Variants in AEBP2 observed in about 807,000 individuals in gnomAD.
The protein encoded by AEBP2 is AE binding protein 2, also known as zinc finger protein AEBP2.
In AEBP2, 10 loss-of-function variants were observed where a neutral mutation model predicts 50.8. That is an observed-to-expected ratio of 0.20 (90% CI 0.12 to 0.33). The LOEUF is 0.33. Among genes scored for constraint, AEBP2 ranks in the 10% least tolerant of loss-of-function variants. AEBP2 has a pLI of 1.00. For missense variants in AEBP2, 570 were observed against 688.0 expected (o/e 0.83, Z 1.92); for synonymous variants, 296 against 261.3 (o/e 1.13, Z -1.28).
intron 2 of AEBP2, among the ~76,000 whole-genome samples, chr12:19,465,111 T>G (rs1176145915): frequency 6.6e-6 from 1 of 152,026 alleles, no homozygotes; most frequent in Non-Finnish European, 1.5e-5. Flanking sequence ...GTGATGCTGT[T>G]TGGCCGGGCG....
intron 3 of AEBP2, among the ~76,000 whole-genome samples, chr12:19,485,648 G>A (rs951089151): frequency 6.7e-6 from 1 of 148,494 alleles, no homozygotes; most frequent in African/African-American, 2.5e-5. Context: ...GTTTGGGGCT[G>A]CAGTGAGCTG....
intron 3 of AEBP2, among the ~76,000 whole-genome samples, chr12:19,485,811 TC>T (rs1433243672): frequency 6.6e-6 from 1 of 151,934 alleles, no homozygotes; most frequent in African/African-American, 2.4e-5. Flanking sequence ...TGTAAGTTCT[TC>T]AATAGTGACC....
rs1048408409 is a variant in AEBP2 at position 19,519,474 on chromosome 12, C to T, written c.*1357C>T. 6 of 152,646 alleles carry T rather than the reference C, an allele frequency of 3.9e-5. No individual in the cohort carries two copies. The highest frequency in any genetic ancestry group is 4.1e-4 in the South Asian group (2 of 4,824). The allele number at this position is 152,646 out of a possible 1,614,324, so 9.5% of individuals were successfully genotyped here. A position where few individuals can be genotyped will look rare whatever the true frequency, so the allele number is the denominator to read the frequency against. On this transcript the variant is annotated 3_prime_UTR_variant, in exon 8 of 8. Transcript: ENST00000266508. Reference sequence around the variant, plus strand: ...TTCCAGAAAGTCTTTGAGGGAGGACCTATACCCATAATAGAATTATGGCAC... The same window carrying T: ...TTCCAGAAAGTCTTTGAGGGAGGACTTATACCCATAATAGAATTATGGCAC...
At chr12:19,413,787 A>G (rs1212462718) in intron 1 of AEBP2, among the ~76,000 whole-genome samples, 40 of 152,228 alleles carry the variant, frequency 2.6e-4, no homozygotes, top group Non-Finnish European at 4.4e-5. Context: ...GGTAGTGAGC[A>G]GTGAGGACAA....
chr12:19,438,449 T>C (rs566054181), upstream of AEBP2, among the ~76,000 whole-genome samples: 8 of 152,328 alleles, frequency 5.3e-5, no homozygotes, highest in African/African-American at 1.9e-4. Context: ...GGAATAGAAC[T>C]GATGCTGAAC....
At chr12:19,476,844 G>A (rs7972981) in intron 3 of AEBP2, among the ~76,000 whole-genome samples, 24,672 of 152,148 alleles carry the variant, frequency 0.16, 3,494 homozygotes, top group African/African-American at 0.38. Flanking sequence ...TTCTAGTTCT[G>A]TGAAGATTGA....
chr12:19,486,630 C>G (rs928262055), intron 3 of AEBP2, among the ~76,000 whole-genome samples: 1 of 152,024 alleles, frequency 6.6e-6, no homozygotes, highest in Non-Finnish European at 1.5e-5. Flanking sequence ...CGATCCTCCC[C>G]CTGTGACCTC....
At chr12:19,463,667 ATTTT>A (rs34007914) in intron 2 of AEBP2, among the ~76,000 whole-genome samples, 2,286 of 84,646 alleles carry the variant, frequency 0.027, 12 homozygotes, top group East Asian at 0.054. Flanking sequence ...TCATACTTGA[ATTTT>A]TTTTTTTTTT....
chr12:19,464,810 G>A (rs1425001799), intron 2 of AEBP2, among the ~76,000 whole-genome samples: 4 of 151,512 alleles, frequency 2.6e-5, no homozygotes, highest in Non-Finnish European at 4.4e-5. Context: ...GGCTGGTCTC[G>A]AACTCCTGAC....
At chr12:19,499,614 T>TAAAAAAAAAAAAA (rs374307323) in intron 4 of AEBP2, among the ~76,000 whole-genome samples, 1 of 112,170 alleles carries the variant, frequency 8.9e-6, no homozygotes, top group Non-Finnish European at 2.0e-5. Context: ...ACTCTGTCTC[T>TAAAAAAAAAAAAA]TAAAAAAAAA....
At chr12:19,416,580 T>C (rs998956535) in intron 1 of AEBP2, among the ~76,000 whole-genome samples, 4 of 151,568 alleles carry the variant, frequency 2.6e-5, no homozygotes, top group Admixed American at 1.3e-4. Flanking sequence ...TAATTTTGTA[T>C]TTTTAGTAGA....
intron 1 of AEBP2, among the ~76,000 whole-genome samples, chr12:19,460,897 G>A (rs1025434747): frequency 6.6e-6 from 1 of 151,388 alleles, no homozygotes; most frequent in Admixed American, 6.6e-5. Context: ...CTTGTGATCT[G>A]CCTGCTGCGG....
chr12:19,486,311 T>C (rs1388040978), intron 3 of AEBP2, among the ~76,000 whole-genome samples: 2 of 152,212 alleles, frequency 1.3e-5, no homozygotes, highest in Non-Finnish European at 1.5e-5. Flanking sequence ...AAAACATTGC[T>C]CTGTAGTATT....
At chr12:19,426,398 A>G (rs1306897672) in intron 1 of AEBP2, among the ~76,000 whole-genome samples, 1 of 152,178 alleles carries the variant, frequency 6.6e-6, no homozygotes, top group Non-Finnish European at 1.5e-5. Flanking sequence ...TATATTCACA[A>G]TTCTTTGGTA....
chr12:19,512,645 C>T lies in AEBP2; in HGVS notation c.1367+180C>T, dbSNP rs551443768. Among the ~76,000 whole-genome samples, 25 of 151,460 alleles carry T rather than the reference C, an allele frequency of 1.7e-4. No individual in the cohort carries two copies. In the South Asian group the frequency reaches 4.8e-3, roughly 29 times the overall value. ...CTTACACTATCAGGTTCACGTTTTA[C>T]GCTTCAAAACTTAAGCCCCCCCTCT... On this transcript the variant is annotated intron_variant, in intron 6 of 7. Coordinates refer to ENST00000266508, the MANE Select transcript of AEBP2 (RefSeq NM_153207.5).
intron 1 of AEBP2, among the ~76,000 whole-genome samples, chr12:19,453,223 C>T (rs1006016268): frequency 6.6e-5 from 10 of 152,082 alleles, no homozygotes; most frequent in Non-Finnish European, 1.5e-5. Flanking sequence ...CCCGCCTCAG[C>T]CTCCCAAAGT....
At chr12:19,492,567 CAA>C (rs1300997074) in intron 3 of AEBP2, among the ~76,000 whole-genome samples, 1 of 151,102 alleles carries the variant, frequency 6.6e-6, no homozygotes, top group East Asian at 1.9e-4. Context: ...TTTATACAAA[CAA>C]AATATAAATA....
At chr12:19,435,953 C>T (rs909178775), upstream of AEBP2, among the ~76,000 whole-genome samples, 2 of 152,090 alleles carry the variant, frequency 1.3e-5, no homozygotes, top group African/African-American at 4.8e-5. Context: ...CACAGCGACT[C>T]GCATCGTGAA....
At chr12:19,443,152 A>G (rs888442407) in intron 1 of AEBP2, among the ~76,000 whole-genome samples, 5 of 151,094 alleles carry the variant, frequency 3.3e-5, no homozygotes, top group African/African-American at 1.2e-4. Context: ...GCTGGAGTGC[A>G]GTGGTACGAT....
Sources: gnomAD v4.1 joint callset for allele counts (sites outside exome capture counted in the v4.1 genomes callset) on GRCh38, gnomAD v4.1.1 for gene constraint, MANE v1.5 for transcripts, NCBI Gene and HGNC (gene_info 2026-07-23, HGNC 2026-07-21) for gene names.